HAS1: variants seen among roughly 807,000 people sequenced by gnomAD.
HAS1 encodes the protein HA synthase 1.
Under a neutral mutation model 35.0 loss-of-function variants are expected in HAS1, and 27 were observed. The observed-to-expected ratio is 0.77, with a 90% CI of 0.57 to 1.06. The LOEUF is 1.06. HAS1 is among the 50% of genes least tolerant of loss of function. The probability of loss-of-function intolerance (pLI) is 0.00; values close to 1 mark genes in which losing one functional copy is unlikely to be tolerated. For missense variants in HAS1, 940 were observed against 814.8 expected (o/e 1.15, Z -1.87); for synonymous variants, 409 against 371.2 (o/e 1.10, Z -1.17).
rs778894012 is a variant in HAS1, at chr19:51,714,103, C to T, written c.1059-1G>A. ...GTAGCAGCGGGACCTGGAGGTGTACCTGCACGGGGGCGAGGAATGAGGGCA... is the reference window on the plus strand; with the variant it reads ...GTAGCAGCGGGACCTGGAGGTGTACTTGCACGGGGGCGAGGAATGAGGGCA... On this transcript the variant is annotated splice_acceptor_variant, in intron 4 of 4. Coordinates refer to ENST00000540069, the MANE Select transcript of HAS1 (RefSeq NM_001297436.2). LOFTEE classifies it high-confidence loss of function. 3.1e-6 allele frequency: 5 copies of T among 1,610,668 alleles called. No homozygotes were observed. In the African/African-American group the frequency reaches 5.3e-5, roughly 17 times the overall value.
chr19:51,717,334 T>G lies in HAS1; in HGVS notation c.700-141A>C, dbSNP rs2083594530. 9 of 616,364 alleles carry G rather than the reference T, an allele frequency of 1.5e-5. No individual in the cohort carries two copies. In the South Asian group the frequency reaches 1.5e-4, roughly 11 times the overall value. 38.2% of individuals were successfully genotyped at this position (616,364 alleles called of 1,614,324 possible). ...ATTTTGAGATTTTTTAAAGTCATTT[T>G]CAATGTGTAGTCACAGTTTAACATG... On this transcript the variant is annotated intron_variant, in intron 2 of 4. Transcript: ENST00000540069.
rs780774711 is a variant in HAS1 at position 51,716,976 on chromosome 19, C to A, written c.917G>T (p.Gly306Val). ...SYFHCVSCIS[G>V]PLGLYRNNLL... ...TCTCTGCCCCTGCTTACCTAGAGGA[C>A]CGCTGATGCAGGATACACAGTGGAA... Residue 306 changes from glycine (G) to valine (V), a missense_variant, in exon 3 of 5, where the codon GGT becomes GTT. Transcript: ENST00000540069. 4 of 1,610,154 alleles carry A rather than the reference C, an allele frequency of 2.5e-6. No homozygotes were observed. The South Asian group carries it at 3.3e-5, about 13-fold the overall frequency.
intron 1 of HAS1, among the ~76,000 whole-genome samples, chr19:51,720,168 A>G (rs941706585): frequency 2.0e-5 from 3 of 147,444 alleles, no homozygotes; most frequent in African/African-American, 7.5e-5. Flanking sequence ...ACTCCAGCCT[A>G]GTGTCGCCAT....
At chr19:51,722,561 ATTTG>A (rs2083638528) in intron 1 of HAS1, among the ~76,000 whole-genome samples, 1 of 152,232 alleles carries the variant, frequency 6.6e-6, no homozygotes, top group African/African-American at 2.4e-5. Flanking sequence ...CAGGCTAAGA[ATTTG>A]TGTGTGTGTT....
rs773180567 is a variant in HAS1, at chr19:51,717,113, C to T, written c.780G>A (p.Gly260=). The change falls in exon 3 of 5, where the codon GGG becomes GGA. Residue 260 remains glycine, a synonymous_variant. Coordinates refer to ENST00000540069, the MANE Select transcript of HAS1 (RefSeq NM_001297436.2). The part of the protein sequence containing the change: ...VRVLDEDPRV[G]AVGGDVRILN... Reference sequence around the variant, plus strand: ...GGATCCGCACGTCCCCACCAACAGCCCCTACCCGGGGGTCCTCGTCCAGTA... The same window carrying T: ...GGATCCGCACGTCCCCACCAACAGCTCCTACCCGGGGGTCCTCGTCCAGTA... The T allele has an allele frequency of 3.5e-5, 57 of 1,613,924 alleles. No individual in the cohort carries two copies. Among genetic ancestry groups the T allele is most frequent in the Non-Finnish European group, 4.8e-5 (57 of 1,179,990 alleles).
chr19:51,720,675 A>G (rs1483938086), intron 1 of HAS1, among the ~76,000 whole-genome samples: 1 of 151,462 alleles, frequency 6.6e-6, no homozygotes, highest in Non-Finnish European at 1.5e-5. Flanking sequence ...AAAAAAAACA[A>G]TTAGAGGAGG....
At position 51,713,954 on chromosome 19, in the gene HAS1, C is replaced by T. The variant is rs769183113; in HGVS notation, c.1207G>A (p.Glu403Lys). 2 of 1,611,780 alleles carry T rather than the reference C, an allele frequency of 1.2e-6. No homozygotes were observed. Among genetic ancestry groups the T allele is most frequent in the Non-Finnish European group, 1.7e-6 (2 of 1,180,026 alleles). ...GGGAACAGGCCGGAGACCACCGCCTCGTAGGTCATCCACGCATGGTGCCGG... is the reference window on the plus strand; with the variant it reads ...GGGAACAGGCCGGAGACCACCGCCTTGTAGGTCATCCACGCATGGTGCCGG... The part of the protein sequence containing the change: ...WHRHHAWMTY[E>K]AVVSGLFPFF... Residue 403 changes from glutamate to lysine, a missense_variant, in exon 5 of 5, where the codon GAG becomes AAG. Coordinates refer to ENST00000540069, the MANE Select transcript of HAS1 (RefSeq NM_001297436.2). The surrounding 1 kb of genome is among the most constrained non-coding windows in gnomAD (Gnocchi z 4.5).
chr19:51,713,485 C>T lies in HAS1; in HGVS notation c.1676G>A (p.Trp559Ter), dbSNP rs200444967. Residue 559 changes from tryptophan (W) to a stop codon, truncating the protein, a stop_gained, in exon 5 of 5, where the codon TGG becomes TAG. Coordinates refer to ENST00000540069, the MANE Select transcript of HAS1 (RefSeq NM_001297436.2). LOFTEE classifies it high-confidence loss of function. The surrounding 1 kb of genome is among the most constrained non-coding windows in gnomAD (Gnocchi z 4.5). ...CCGGCAAAGCCTCCGCACGCCCACC[C>T]AGTACAGCGTCAACATGGCCACCCA... ...GYWVAMLTLY[W>*]VGVRRLCRRR... The T allele has an allele frequency of 5.2e-4, 828 of 1,601,474 alleles. No homozygotes were observed. Among genetic ancestry groups the T allele is most frequent in the Non-Finnish European group, 6.8e-4 (803 of 1,174,240 alleles).
Position 51,713,399 on chromosome 19 carries a change from C to A in HAS1, c.*28G>T. ...CTCTCCTCTGGCCTCCCCTGAAGAC[C>A]CTTGAGGCGGCATCCGCGTGGCTGG... On this transcript the variant is annotated 3_prime_UTR_variant, in exon 5 of 5. Coordinates refer to ENST00000540069, the MANE Select transcript of HAS1 (RefSeq NM_001297436.2). The surrounding 1 kb of genome is among the most constrained non-coding windows in gnomAD (Gnocchi z 4.5). The A allele has an allele frequency of 6.8e-7, 1 of 1,471,036 alleles. No individual in the cohort carries two copies. 91.1% of individuals were successfully genotyped at this position (1,471,036 alleles called of 1,614,324 possible).
chr19:51,714,370 C>CTAAATAAATAAA (rs112842145), intron 4 of HAS1, among the ~76,000 whole-genome samples: 8,262 of 143,984 alleles, frequency 0.057, 366 homozygotes, highest in African/African-American at 0.12. Context: ...CCCATCTCTA[C>CTAAATAAATAAA]TAAATAAATA....
Position 51,719,584 on chromosome 19 carries a change from G to T in HAS1, c.321C>A (p.Pro107=). 6.5e-7 allele frequency: 1 copy of T among 1,543,668 alleles called. No individual in the cohort carries two copies. The highest frequency in any genetic ancestry group is 1.4e-5 in the African/African-American group (1 of 72,334). The change falls in exon 2 of 5, where the codon CCC becomes CCA. Residue 107 remains proline, a synonymous_variant. Coordinates refer to ENST00000540069, the MANE Select transcript of HAS1 (RefSeq NM_001297436.2). ...ACGCCAGGCACTGGCGCAGGTACGC[G>T]GGGTCCTCCTGGTAGGCGGAGATGG... ...ALTISAYQED[P]AYLRQCLASA...
rs1210320709 is a variant in HAS1 at position 51,713,451 on chromosome 19, G to A, written c.1710C>T (p.Thr570=). 7.8e-6 allele frequency: 12 copies of A among 1,543,626 alleles called. No individual in the cohort carries two copies. Among genetic ancestry groups the A allele is most frequent in the Admixed American group, 6.0e-5 (3 of 50,232 alleles). ...VGVRRLCRRR[T]GGYRVQV ...CTCACACCTGGACGCGGTAGCCCCC[G>A]GTCCGCCGCCGGCAAAGCCTCCGCA... The change falls in exon 5 of 5, where the codon ACC becomes ACT. Residue 570 remains threonine, a synonymous_variant. Coordinates refer to ENST00000540069, the MANE Select transcript of HAS1 (RefSeq NM_001297436.2). The surrounding 1 kb of genome is among the most constrained non-coding windows in gnomAD (Gnocchi z 4.5).
At chr19:51,718,400 G>C (rs961234294) in intron 2 of HAS1, among the ~76,000 whole-genome samples, 2 of 151,928 alleles carry the variant, frequency 1.3e-5, no homozygotes. Context: ...AAGAAGAAAG[G>C]GAACAAATCT....
At position 51,719,549 on chromosome 19, in the gene HAS1, G is replaced by A. The variant is rs913895557; in HGVS notation, c.356C>T (p.Ala119Val). Residue 119 changes from alanine to valine, a missense_variant, in exon 2 of 5, where the codon GCC (alanine) becomes GTC (valine). Physicochemically the swap from Ala to Val is moderately conservative, Grantham distance 64 (BLOSUM62 0). Coordinates refer to ENST00000540069, the MANE Select transcript of HAS1 (RefSeq NM_001297436.2). ...YLRQCLASARALLYPRARLRV... is the reference protein window; with the variant it reads ...YLRQCLASARVLLYPRARLRV... ...CAGCCGCGCGCGCGGGTACAGCAGG[G>A]CGCGGGCGGACGCCAGGCACTGGCG... is the stretch of plus-strand genomic sequence containing the variant. 2.6e-6 allele frequency: 4 copies of A among 1,546,542 alleles called. No homozygotes were observed. Among genetic ancestry groups the A allele is most frequent in the South Asian group, 1.2e-5 (1 of 83,502 alleles).
rs568930180 is a variant in HAS1, at chr19:51,719,263, C to T, written c.642G>A (p.Lys214=). 35 of 1,609,326 alleles carry T rather than the reference C, an allele frequency of 2.2e-5. No individual in the cohort carries two copies. In the South Asian group the frequency reaches 3.4e-4, roughly 16 times the overall value. Reference sequence around the variant, plus strand: ...TGAAGGCTGTGTACATGACCTCGCGCTTGCCGCCCCAGCGCTGCGCCACGC... The same window carrying T: ...TGAAGGCTGTGTACATGACCTCGCGTTTGCCGCCCCAGCGCTGCGCCACGC... ...CVCVAQRWGG[K]REVMYTAFKA... Residue 214 remains lysine, a synonymous_variant, in exon 2 of 5, where the codon AAG becomes AAA. Coordinates refer to ENST00000540069, the MANE Select transcript of HAS1 (RefSeq NM_001297436.2).
At chr19:51,714,746 G>A (rs2083575507) in intron 4 of HAS1, among the ~76,000 whole-genome samples, 1 of 148,118 alleles carries the variant, frequency 6.8e-6, no homozygotes, top group African/African-American at 2.5e-5. Flanking sequence ...AGGATTGAAT[G>A]AAATTAAACG....
intron 4 of HAS1, among the ~76,000 whole-genome samples, chr19:51,715,932 A>G (rs1288921056): frequency 1.3e-5 from 2 of 151,864 alleles, no homozygotes; most frequent in East Asian, 3.9e-4. Flanking sequence ...AACTCACCCT[A>G]TCTCAATTCT....
chr19:51,713,694 G>A lies in HAS1; in HGVS notation c.1467C>T (p.Thr489=). 1 of 1,595,414 alleles carries A rather than the reference G, an allele frequency of 6.3e-7. No homozygotes were observed. The highest frequency in any genetic ancestry group is 8.5e-7 in the Non-Finnish European group (1 of 1,172,328). Reference sequence around the variant, plus strand: ...TAGCGGCCAGCTTCCGCCGGCCCGAGGTGCCCCAGCCACTCTGGTTCATGG... The same window carrying A: ...TAGCGGCCAGCTTCCGCCGGCCCGAAGTGCCCCAGCCACTCTGGTTCATGG... ...LVTMNQSGWG[T]SGRRKLAANY... The change falls in exon 5 of 5, where the codon ACC becomes ACT. Residue 489 remains threonine (T), a synonymous_variant. Coordinates refer to ENST00000540069, the MANE Select transcript of HAS1 (RefSeq NM_001297436.2). The surrounding 1 kb of genome is among the most constrained non-coding windows in gnomAD (Gnocchi z 4.5).
rs867579952 is a variant in HAS1, at chr19:51,723,671, G to A, written c.9+254C>T. Among the ~76,000 whole-genome samples, 14 of 152,102 alleles carry A rather than the reference G, an allele frequency of 9.2e-5. No homozygotes were observed. In the East Asian group the frequency reaches 1.7e-3, roughly 19 times the overall value. On this transcript the variant is annotated intron_variant, in intron 1 of 4. Coordinates refer to ENST00000540069, the MANE Select transcript of HAS1 (RefSeq NM_001297436.2). ...GCAAGATACGCAGATACAGAAATAC[G>A]GACATGGCACGTCTCACCTACATGT...
Sources: allele counts gnomAD v4.1 joint callset (sites outside exome capture counted in the v4.1 genomes callset), GRCh38; gene constraint gnomAD v4.1.1; non-coding constraint Gnocchi (gnomAD v3.1); transcripts MANE v1.5; gene names NCBI Gene and HGNC (gene_info 2026-07-23, HGNC 2026-07-21).